Variants in VPS13C observed in about 807,000 individuals in gnomAD.
VPS13C encodes the protein vacuolar protein sorting 13 homolog C.
A neutral mutation model predicts 456.8 loss-of-function variants in VPS13C; 358 were observed. The observed-to-expected ratio is 0.78, with a 90% confidence interval of 0.72 to 0.86. The LOEUF (loss-of-function observed/expected upper bound fraction) is 0.86. Ranked by LOEUF, VPS13C falls within the 40% of genes least tolerant of loss-of-function variation. The pLI is 0.00. For missense variants in VPS13C, 4,818 were observed against 4,385.4 expected (o/e 1.10, Z -2.79); for synonymous variants, 1,578 against 1,486.7 (o/e 1.06, Z -1.41).
chr15:62,005,748 G>T (rs2046813583), intron 15 of VPS13C, among the ~76,000 whole-genome samples: 1 of 151,408 alleles, frequency 6.6e-6, no homozygotes, highest in African/African-American at 2.4e-5. Flanking sequence ...TTGTTGCCAG[G>T]CTGGAATGCA....
intron 66 of VPS13C, among the ~76,000 whole-genome samples, chr15:61,902,300 G>GT (rs1566983931): frequency 1.4e-5 from 2 of 145,746 alleles, no homozygotes; most frequent in Non-Finnish European, 1.5e-5. Flanking sequence ...AATTAAAAGT[G>GT]TTTAAAAAAA....
chr15:61,990,427 T>A (rs1376550353), intron 18 of VPS13C, among the ~76,000 whole-genome samples: 3 of 152,136 alleles, frequency 2.0e-5, no homozygotes, highest in South Asian at 2.1e-4. Context: ...TTGAAAAAAA[T>A]TTTTAAGATA....
Position 61,867,991 on chromosome 15 carries a change from A to G in VPS13C, c.10863+668T>C. On this transcript the variant is annotated intron_variant, in intron 81 of 84. Transcript: ENST00000644861. This position sits in a 1 kb window ranked among gnomAD's most constrained non-coding sequence, Gnocchi z 5.0. ...AAAGAAAATAAAGTTAGAAGCATGC[A>G]GAAAGATAGATAAAACGTAATCATA... is the stretch of plus-strand genomic sequence containing the variant. 1 of 1,294,752 alleles carries G rather than the reference A, an allele frequency of 7.7e-7. No homozygotes were observed. The highest frequency in any genetic ancestry group is 1.1e-6 in the Non-Finnish European group (1 of 896,128). 80.2% of individuals were successfully genotyped at this position (1,294,752 alleles called of 1,614,324 possible).
At chr15:62,011,995 A>AC in intron 12 of VPS13C, 112 bp downstream of exon 12, 1 of 657,808 alleles carries the variant, frequency 1.5e-6, no homozygotes, top group Non-Finnish European at 2.6e-6. Flanking sequence ...ATAGTAAGGT[A>AC]TAAAATTAAT....
intron 65 of VPS13C, among the ~76,000 whole-genome samples, 181 bp downstream of exon 65, chr15:61,908,811 G>C (rs1180521937): frequency 6.6e-6 from 1 of 152,140 alleles, no homozygotes; most frequent in Non-Finnish European, 1.5e-5. Flanking sequence ...TTTTGCTGCA[G>C]AAATATTAAT....
chr15:62,056,676 C>A (rs571269315), intron 1 of VPS13C, among the ~76,000 whole-genome samples: 1 of 152,132 alleles, frequency 6.6e-6, no homozygotes, highest in Non-Finnish European at 1.5e-5. Flanking sequence ...GAGGCCTAAC[C>A]GTCTCCCTGT....
Position 62,012,144 on chromosome 15 carries a change from A to C in VPS13C, c.846T>G (p.Ile282Met). ...TTGGGGGTATATTTCCACTTGTAAG[A>C]ATTTCATTTTTCAGCTGATCCTAAA... ...EQILDQLKNE[I>M]LTSGNIPPNY... is the part of the protein sequence containing the mutation. Residue 282 changes from isoleucine to methionine, a missense_variant, in exon 12 of 85, where the codon ATT (isoleucine) becomes ATG (methionine). By Grantham distance (10) the Ile-to-Met change is conservative (BLOSUM62 1). Transcript: ENST00000644861. 3 of 1,549,928 alleles carry C rather than the reference A, an allele frequency of 1.9e-6. No individual in the cohort carries two copies. The highest frequency in any genetic ancestry group is 2.7e-6 in the Non-Finnish European group (3 of 1,126,304).
chr15:62,054,753 GGAA>G (rs1048141922), intron 1 of VPS13C, among the ~76,000 whole-genome samples: 92 of 151,472 alleles, frequency 6.1e-4, no homozygotes, highest in Middle Eastern at 3.4e-3. Flanking sequence ...AAAAAGAAGA[GGAA>G]GAAGAAGAAG....
chr15:62,007,914 G>C (rs188279464), intron 14 of VPS13C, among the ~76,000 whole-genome samples: 15 of 152,098 alleles, frequency 9.9e-5, no homozygotes, highest in African/African-American at 3.4e-4. Flanking sequence ...AGACCATCCT[G>C]GCCAACATGG....
At chr15:61,872,154 C>G in intron 78 of VPS13C, 120 bp from the exon 79 acceptor site, 3 of 738,080 alleles carry the variant, frequency 4.1e-6, no homozygotes, top group Non-Finnish European at 6.6e-6. Flanking sequence ...AAATTGAAGA[C>G]TTAACTTGAT....
chr15:62,058,690 G>A (rs2048884236), intron 1 of VPS13C, among the ~76,000 whole-genome samples: 1 of 152,150 alleles, frequency 6.6e-6, no homozygotes, highest in Non-Finnish European at 1.5e-5. Flanking sequence ...ATCCCCCATA[G>A]ATACCAAGGG....
At chr15:61,874,528 T>C (rs1345517517) in intron 77 of VPS13C, among the ~76,000 whole-genome samples, 1 of 152,060 alleles carries the variant, frequency 6.6e-6, no homozygotes, top group Admixed American at 6.6e-5. Flanking sequence ...ATAAACAGCA[T>C]TATCACAATA....
chr15:62,003,996 C>T (rs1045115803), intron 15 of VPS13C, among the ~76,000 whole-genome samples: 1 of 151,974 alleles, frequency 6.6e-6, no homozygotes, highest in East Asian at 1.9e-4. Flanking sequence ...TTGGTTGTGT[C>T]TCTGCCAGGC....
rs778507321 is a variant in VPS13C, at chr15:61,854,448, G to A, written c.*9C>T. On this transcript the variant is annotated 3_prime_UTR_variant, in exon 85 of 85. Coordinates refer to ENST00000644861, the MANE Select transcript of VPS13C (RefSeq NM_020821.3). ...TTTTTCTCCCTGTTGGAGCCCCTGA[G>A]GTCTGTGATTAAGATGGCAATTGGG... 6.2e-7 allele frequency: 1 copy of A among 1,612,158 alleles called. No individual in the cohort carries two copies.
At position 61,909,149 on chromosome 15, in the gene VPS13C, T is replaced by A. The variant is rs770825881; in HGVS notation, c.8845-24A>T. On this transcript the variant is annotated intron_variant, in intron 64 of 84. Coordinates refer to ENST00000644861, the MANE Select transcript of VPS13C (RefSeq NM_020821.3). Reference sequence around the variant, plus strand: ...TTCTATTGTAGAAAAAAAAAAAGTATGTTTGATGTACTGGTTTAATCTACA... The same window carrying A: ...TTCTATTGTAGAAAAAAAAAAAGTAAGTTTGATGTACTGGTTTAATCTACA... The A allele has an allele frequency of 3.7e-6, 6 of 1,610,672 alleles. No individual in the cohort carries two copies. The South Asian group carries it at 5.5e-5, about 15-fold the overall frequency.
At chr15:61,939,732 C>G (rs993970682) in intron 47 of VPS13C, among the ~76,000 whole-genome samples, 2 of 152,178 alleles carry the variant, frequency 1.3e-5, no homozygotes, top group African/African-American at 4.8e-5. Flanking sequence ...CGGTGGCTCA[C>G]GCCTGTAGTC....
intron 5 of VPS13C, among the ~76,000 whole-genome samples, chr15:62,032,005 A>C (rs1010956226): frequency 4.6e-5 from 7 of 151,904 alleles, no homozygotes; most frequent in Non-Finnish European, 7.4e-5. Flanking sequence ...TTTTTTAAAA[A>C]GGAGGAGCTT....
chr15:61,928,167 A>C (rs2043930321), intron 51 of VPS13C, among the ~76,000 whole-genome samples: 2 of 152,160 alleles, frequency 1.3e-5, no homozygotes, highest in South Asian at 4.1e-4. Flanking sequence ...TGCTGTGCAC[A>C]TGTACCCTAA....
chr15:61,881,666 ATGCTT>A (rs1895862294), intron 70 of VPS13C, 34 bp from the exon 71 acceptor site: 1 of 1,606,530 alleles, frequency 6.2e-7, no homozygotes, highest in African/African-American at 1.3e-5. Flanking sequence ...AAAAAAAATA[ATGCTT>A]TATACTAGGT....
Sources: gnomAD v4.1 joint callset for allele counts (sites outside exome capture counted in the v4.1 genomes callset) on GRCh38, gnomAD v4.1.1 for gene constraint, Gnocchi (gnomAD v3.1) non-coding constraint, MANE v1.5 for transcripts, NCBI Gene and HGNC (gene_info 2026-07-23, HGNC 2026-07-21) for gene names.